The following SPRY3 variants were observed in gnomAD, a reference collection of about 807,000 sequenced individuals.
SPRY3 encodes protein sprouty homolog 3.
Under a neutral mutation model 20.2 loss-of-function variants are expected in SPRY3, and 15 were observed. The observed-to-expected ratio is 0.74, with a 90% CI of 0.50 to 1.14. SPRY3 has a LOEUF of 1.14. Ranked by LOEUF, SPRY3 falls within the 50% of genes most tolerant of loss-of-function variation. SPRY3 has a pLI of 0.00. For synonymous variants in SPRY3, 143 were observed against 136.5 expected (o/e 1.05, Z -0.33); for missense variants, 364 against 363.9 (o/e 1.00, Z 0.00).
intron 2 of SPRY3, among the ~76,000 whole-genome samples, chrX:155,702,933 A>G (rs1244079147): frequency 9.5e-6 from 1 of 105,340 alleles, no homozygotes; most frequent in South Asian, 4.3e-4. Context: ...ATTTGCGTAT[A>G]TTGAACCAGC....
At chrX:155,728,798 T>C (rs1463105701) in intron 2 of SPRY3, among the ~76,000 whole-genome samples, 1 of 152,056 alleles carries the variant, frequency 6.6e-6, no homozygotes, top group African/African-American at 2.4e-5. Context: ...CTGCTTTGAC[T>C]CGCCCACCGT....
intron 2 of SPRY3, among the ~76,000 whole-genome samples, chrX:155,728,849 A>G (rs1018875615): frequency 7.9e-5 from 12 of 152,256 alleles, no homozygotes; most frequent in African/African-American, 2.6e-4. Flanking sequence ...AAACACACAC[A>G]TAGGTTAAAA....
intron 2 of SPRY3, among the ~76,000 whole-genome samples, chrX:155,766,850 A>T (rs1164085073): frequency 6.6e-6 from 1 of 152,162 alleles, no homozygotes; most frequent in Non-Finnish European, 1.5e-5. Context: ...TGCTAAAGGG[A>T]AAGTAGGTTG....
exon 4 of SPRY3, chrX:155,773,868 C>CA: frequency 6.2e-7 from 1 of 1,611,168 alleles, no homozygotes; most frequent in Non-Finnish European, 8.5e-7. Flanking sequence ...AAAATCAAGG[C>CA]AAAATGGATG....
At chrX:155,775,135 C>T (rs1196127329) in exon 4 of SPRY3, 3 of 251,392 alleles carry the variant, frequency 1.2e-5, no homozygotes, top group African/African-American at 6.7e-5. Context: ...AAGCTTTCTT[C>T]TAAGATGGTT....
chrX:155,750,436 C>A (rs1292027326), intron 2 of SPRY3, among the ~76,000 whole-genome samples: 1 of 151,568 alleles, frequency 6.6e-6, no homozygotes, highest in Non-Finnish European at 1.5e-5. Flanking sequence ...AAGTTGAAAT[C>A]ATTTAAAAAA....
chrX:155,696,945 A>C (rs1014517600), intron 2 of SPRY3, among the ~76,000 whole-genome samples: 1 of 111,666 alleles, frequency 9.0e-6, no homozygotes, highest in African/African-American at 3.3e-5. Context: ...AGGATAGTAC[A>C]ATCTAGTAAT....
rs4013148 is a variant in SPRY3, at chrX:155,773,307, G to GTTTTAT, written c.-106-459_-106-458insTTTTAT. The stretch of plus-strand genomic sequence containing the variant: ...CACACTGAAAAGATAATTTTGATTG[G>GTTTTAT]ATATATATATATATATATATATATA... On this transcript the variant is annotated intron_variant, in intron 3 of 3. Coordinates refer to ENST00000675360, the Ensembl canonical transcript of SPRY3. Among the ~76,000 whole-genome samples, 112 of 120,714 alleles carry GTTTTAT rather than the reference G, an allele frequency of 9.3e-4. 1 individual carries two copies. The highest frequency in any genetic ancestry group is 4.6e-3 in the East Asian group (17 of 3,724). 79.2% of individuals were successfully genotyped at this position (120,714 alleles called of 152,430 possible).
intron 1 of SPRY3, among the ~76,000 whole-genome samples, chrX:155,651,163 C>G (rs782708926): frequency 9.1e-6 from 1 of 109,367 alleles, no homozygotes; most frequent in African/African-American, 3.3e-5. Context: ...GCAGCCTCCA[C>G]CTCCTGGGTT....
At chrX:155,658,065 G>A (rs1418579014) in intron 2 of SPRY3, among the ~76,000 whole-genome samples, 2 of 112,361 alleles carry the variant, frequency 1.8e-5, no homozygotes, top group African/African-American at 6.5e-5. Flanking sequence ...CTTGCCAGCA[G>A]AATCTACTGT....
intron 2 of SPRY3, among the ~76,000 whole-genome samples, chrX:155,697,657 T>G (rs2068123840): frequency 9.2e-6 from 1 of 108,713 alleles, no homozygotes; most frequent in Admixed American, 9.9e-5. Context: ...TGTGTGTGTC[T>G]GTGTGTGTGT....
chrX:155,698,189 T>C (rs2068125436), intron 2 of SPRY3, among the ~76,000 whole-genome samples: 1 of 111,435 alleles, frequency 9.0e-6, no homozygotes, highest in Admixed American at 9.6e-5. Context: ...GTCCCCTTTA[T>C]CAAGAAAAAA....
chrX:155,654,729 GTGTGTA>G (rs1433477131), intron 1 of SPRY3, among the ~76,000 whole-genome samples: 6 of 78,768 alleles, frequency 7.6e-5, no homozygotes, highest in South Asian at 5.7e-4. Flanking sequence ...GTGTGTGTGT[GTGTGTA>G]TAATATAAAA....
chrX:155,748,612 C>T (rs1004637207), intron 2 of SPRY3, among the ~76,000 whole-genome samples: 15 of 151,648 alleles, frequency 9.9e-5, no homozygotes, highest in African/African-American at 2.4e-4. Flanking sequence ...TGCTCCAAGA[C>T]GAAGACTTCT....
intron 2 of SPRY3, among the ~76,000 whole-genome samples, chrX:155,767,269 C>G (rs1032404484): frequency 6.6e-6 from 1 of 151,784 alleles, no homozygotes; most frequent in African/African-American, 2.4e-5. Context: ...AGCAATAAAT[C>G]CCTTCTTTCC....
chrX:155,728,772 G>A (rs2091115547), intron 2 of SPRY3, among the ~76,000 whole-genome samples: 1 of 152,150 alleles, frequency 6.6e-6, no homozygotes, highest in Non-Finnish European at 1.5e-5. Context: ...CTTCCCAGGT[G>A]AGGCGACACC....
intron 2 of SPRY3, among the ~76,000 whole-genome samples, chrX:155,716,786 G>A (rs2091025872): frequency 6.6e-6 from 1 of 151,168 alleles, no homozygotes; most frequent in Non-Finnish European, 1.5e-5. Flanking sequence ...GACAAAATAT[G>A]TGTTCAAATA....
intron 1 of SPRY3, among the ~76,000 whole-genome samples, chrX:155,616,924 T>C (rs1557348952): frequency 4.5e-5 from 5 of 110,257 alleles, no homozygotes; most frequent in Non-Finnish European, 9.5e-5. Flanking sequence ...TATAAACAAT[T>C]GTACTTTACT....
intron 2 of SPRY3, among the ~76,000 whole-genome samples, chrX:155,753,416 T>A (rs755510264): frequency 6.6e-6 from 1 of 152,100 alleles, no homozygotes; most frequent in East Asian, 1.9e-4. Context: ...TTGTAGGATG[T>A]ATCAGTGCTT....
Sources: allele counts gnomAD v4.1 joint callset (sites outside exome capture counted in the v4.1 genomes callset), GRCh38; gene constraint gnomAD v4.1.1; transcripts MANE v1.5; gene names NCBI Gene and HGNC (gene_info 2026-07-23, HGNC 2026-07-21).